The following GPR4 variants were observed in gnomAD, a reference collection of about 807,000 sequenced individuals.
The protein encoded by GPR4 is G protein-coupled receptor 4, also known as G-prodeshotein coupled receptor 4.
GPR4 carries 11 observed loss-of-function variants against 17.8 expected under a neutral mutation model. That is an observed-to-expected ratio of 0.62 (90% CI 0.39 to 1.02). The LOEUF is 1.02. Ranked by LOEUF, GPR4 falls within the 50% of genes least tolerant of loss-of-function variation. The pLI, the probability that GPR4 is intolerant of heterozygous loss-of-function variation, is 0.00. For synonymous variants in GPR4, 219 were observed against 222.8 expected, an observed-to-expected ratio of 0.98 and a Z score of 0.15; for missense variants, 364 against 495.4, an observed-to-expected ratio of 0.73 and a Z score of 2.52.
chr19:45,599,626 C>T (rs1448056858), intron 1 of GPR4: 1 of 152,196 alleles, frequency 6.6e-6, no homozygotes, highest in Admixed American at 6.5e-5. Flanking sequence ...GTCTCTGTGC[C>T]CCCAAAGCCC....
chr19:45,600,228 T>C (rs965469786), intron 1 of GPR4, among the ~76,000 whole-genome samples: 6 of 152,060 alleles, frequency 3.9e-5, no homozygotes, highest in African/African-American at 1.4e-4. Context: ...ACCCTTTCGC[T>C]AGTGGGCCTA....
At chr19:45,597,399 T>C (rs1037967649) in intron 1 of GPR4, among the ~76,000 whole-genome samples, 2 of 152,102 alleles carry the variant, frequency 1.3e-5, no homozygotes, top group Non-Finnish European at 2.9e-5. Context: ...GTTCCCTCCT[T>C]CACTTCCTCG....
rs1969981939 is a variant in GPR4 at position 45,590,814 on chromosome 19, G to T, written c.1053C>A (p.Asp351Glu). The stretch of plus-strand genomic sequence containing the variant: ...GCGGCAGCATCTTCAGCTGCACCTG[G>T]TCCCCCTGGGAGGGCGGAGTGGCCG... ...SWAATPPSQG[D>E]QVQLKMLPPA... Residue 351 changes from aspartate to glutamate, a missense_variant, in exon 2 of 2, where the codon GAC becomes GAA. Around this residue, in one of 3 missense-constraint regions of GPR4, gnomAD observed 92 missense variants for 106.0 expected, o/e 0.87. Coordinates refer to ENST00000323040, the MANE Select transcript of GPR4 (RefSeq NM_005282.3). 4 of 1,592,196 alleles carry T rather than the reference G, an allele frequency of 2.5e-6. No individual in the cohort carries two copies. Among genetic ancestry groups the T allele is most frequent in the Non-Finnish European group, 3.4e-6 (4 of 1,168,192 alleles).
chr19:45,592,051 G>A lies in GPR4; in HGVS notation c.-185C>T. ...GGCTGGGCTGGGAAGGGCAGAGCTT[G>A]AGAGGGAAAAGTTGGAGGAGGGATG... On this transcript the variant is annotated 5_prime_UTR_variant, in exon 2 of 2. Transcript: ENST00000323040. 1.8e-6 allele frequency: 1 copy of A among 548,166 alleles called. No individual in the cohort carries two copies. The highest frequency in any genetic ancestry group is 3.8e-5 in the Admixed American group (1 of 26,472). 34.0% of individuals were successfully genotyped at this position (548,166 alleles called of 1,614,324 possible).
chr19:45,592,048 C>A lies in GPR4; in HGVS notation c.-182G>T. Reference sequence around the variant, plus strand: ...CTGGGCTGGGCTGGGAAGGGCAGAGCTTGAGAGGGAAAAGTTGGAGGAGGG... The same window carrying A: ...CTGGGCTGGGCTGGGAAGGGCAGAGATTGAGAGGGAAAAGTTGGAGGAGGG... On this transcript the variant is annotated 5_prime_UTR_variant, in exon 2 of 2. Coordinates refer to ENST00000323040, the MANE Select transcript of GPR4 (RefSeq NM_005282.3). The A allele has an allele frequency of 7.3e-6, 4 of 546,362 alleles. No homozygotes were observed. The highest frequency in any genetic ancestry group is 3.2e-6 in the Non-Finnish European group (1 of 312,090). The allele number at this position is 546,362 out of a possible 1,614,324, so 33.8% of individuals were successfully genotyped here. A position where few individuals can be genotyped will look rare whatever the true frequency, so the allele number is the denominator to read the frequency against.
At chr19:45,595,135 G>A (rs10425941) in intron 1 of GPR4, among the ~76,000 whole-genome samples, 8,724 of 151,918 alleles carry the variant, frequency 0.057, 584 homozygotes, top group African/African-American at 0.16. Flanking sequence ...AATAAGCTAG[G>A]TGTGGCGGCA....
chr19:45,600,016 C>T (rs1035452056), intron 1 of GPR4, among the ~76,000 whole-genome samples: 1 of 152,132 alleles, frequency 6.6e-6, no homozygotes, highest in Non-Finnish European at 1.5e-5. Context: ...ACACTAAATA[C>T]GGTGAGCCCC....
At position 45,591,415 on chromosome 19, in the gene GPR4, G is replaced by A. The variant is rs1386058464; in HGVS notation, c.452C>T (p.Ala151Val). ...GAAGAGCTCGTCATGGAACAGGGGC[G>A]CCGAGTTGGCGCCCAGCTCCGTGGC... ...VWATELGANS[A>V]PLFHDELFRD... Residue 151 changes from alanine to valine, a missense_variant, in exon 2 of 2, where the codon GCG (alanine) becomes GTG (valine). Coordinates refer to ENST00000323040, the MANE Select transcript of GPR4 (RefSeq NM_005282.3). The surrounding 1 kb of genome is among the most constrained non-coding windows in gnomAD (Gnocchi z 7.6). The A allele has an allele frequency of 6.2e-7, 1 of 1,607,484 alleles. No homozygotes were observed. The highest frequency in any genetic ancestry group is 8.5e-7 in the Non-Finnish European group (1 of 1,178,404).
chr19:45,595,275 C>CCAAA (rs141465685), intron 1 of GPR4, among the ~76,000 whole-genome samples: 1 of 138,268 alleles, frequency 7.2e-6, no homozygotes, highest in African/African-American at 2.7e-5. Flanking sequence ...AACTCCATCT[C>CCAAA]TAAATAAATA....
At chr19:45,594,080 A>ATATATATATATATTT (rs1555738354) in intron 1 of GPR4, among the ~76,000 whole-genome samples, 6 of 126,364 alleles carry the variant, frequency 4.7e-5, no homozygotes, top group African/African-American at 1.9e-4. Context: ...ATATATATAT[A>ATATATATATATATTT]TATATATATA....
Position 45,591,811 on chromosome 19 carries a change from A to G in GPR4, c.56T>C (p.Phe19Ser). 6.2e-7 allele frequency: 1 copy of G among 1,605,890 alleles called. No homozygotes were observed. Among genetic ancestry groups the G allele is most frequent in the Non-Finnish European group, 8.5e-7 (1 of 1,174,578 alleles). ...CHVDSRVDHL[F>S]PPSLYIFVIG... The stretch of plus-strand genomic sequence containing the variant: ...GACAAAGATGTAGAGGGATGGCGGA[A>G]AGAGGTGGTCCACGCGCGAGTCCAC... The change falls in exon 2 of 2, where the codon TTT (phenylalanine) becomes TCT (serine). Residue 19 changes from phenylalanine to serine, a missense_variant. Transcript: ENST00000323040. The surrounding 1 kb of genome is among the most constrained non-coding windows in gnomAD (Gnocchi z 7.6).
intron 1 of GPR4, among the ~76,000 whole-genome samples, chr19:45,596,323 T>C (rs1970058417): frequency 1.3e-5 from 2 of 151,800 alleles, no homozygotes; most frequent in Admixed American, 1.3e-4. Context: ...CTCCTGCCTC[T>C]TCCTCTGGAG....
Position 45,590,923 on chromosome 19 carries a change from T to A in GPR4, c.944A>T (p.Glu315Val). 6.2e-7 allele frequency: 1 copy of A among 1,614,132 alleles called. No homozygotes were observed. The highest frequency in any genetic ancestry group is 8.5e-7 in the Non-Finnish European group (1 of 1,180,032). ...CAGGGTGAGCGAGGCATTGGCCATC[T>A]CCTGGGGCTTGTCGCTGGCCAGAAA... The part of the protein sequence containing the change: ...LRFLASDKPQ[E>V]MANASLTLET... Residue 315 changes from glutamate to valine, a missense_variant, in exon 2 of 2, where the codon GAG becomes GTG. By Grantham distance (121) the Glu-to-Val change is moderately radical. Transcript: ENST00000323040.
At chr19:45,593,838 T>C (rs1236400688) in intron 1 of GPR4, among the ~76,000 whole-genome samples, 2 of 151,854 alleles carry the variant, frequency 1.3e-5, no homozygotes, top group African/African-American at 4.8e-5. Flanking sequence ...CCCTACTACA[T>C]AGCAGATCCC....
intron 1 of GPR4, among the ~76,000 whole-genome samples, chr19:45,597,461 C>T (rs939876753): frequency 1.3e-5 from 2 of 152,194 alleles, no homozygotes; most frequent in Admixed American, 6.6e-5. Context: ...GGACCCTCTC[C>T]TCACATCACC....
Position 45,591,489 on chromosome 19 carries a change from G to A in GPR4, c.378C>T (p.Ala126=), listed in dbSNP as rs1037705110. 3 of 1,610,868 alleles carry A rather than the reference G, an allele frequency of 1.9e-6. No homozygotes were observed. In the African/African-American group the frequency reaches 4.0e-5, roughly 22 times the overall value. The change falls in exon 2 of 2, where the codon GCC becomes GCT. Residue 126 remains alanine, a synonymous_variant. Coordinates refer to ENST00000323040, the MANE Select transcript of GPR4 (RefSeq NM_005282.3). This position sits in a 1 kb window ranked among gnomAD's most constrained non-coding sequence, Gnocchi z 7.6. ...CGGCGGTCTTGACGCGGCGCAGGCG[G>A]GCGAAGCGGAGTGGGTGGGCCACAG... ...YLAVAHPLRF[A]RLRRVKTAVA...
At position 45,591,881 on chromosome 19, in the gene GPR4, C is replaced by T. The variant is rs531554849; in HGVS notation, c.-15G>A. On this transcript the variant is annotated 5_prime_UTR_variant, in exon 2 of 2. Transcript: ENST00000323040. This position sits in a 1 kb window ranked among gnomAD's most constrained non-coding sequence, Gnocchi z 7.6. ...TGGTTGCCCATGGTGGGCACTTCGG[C>T]TTCTGGGGCGCTTCCCCTGGCCCAC... 1.6e-5 allele frequency: 25 copies of T among 1,538,254 alleles called. No homozygotes were observed. Among genetic ancestry groups the T allele is most frequent in the Non-Finnish European group, 2.1e-5 (24 of 1,140,102 alleles).
chr19:45,601,815 C>T (rs570734532), intron 1 of GPR4, among the ~76,000 whole-genome samples: 4 of 151,798 alleles, frequency 2.6e-5, no homozygotes, highest in Admixed American at 1.3e-4. Context: ...GACAGACAGA[C>T]GGAGACAGAG....
Position 45,596,699 on chromosome 19 carries a change from C to G in GPR4, c.-831-4002G>C, listed in dbSNP as rs535865215. Among the ~76,000 whole-genome samples, 110 of 152,214 alleles carry G rather than the reference C, an allele frequency of 7.2e-4. 2 individuals are homozygous for G. The South Asian group carries it at 0.018, about 24-fold the overall frequency. On this transcript the variant is annotated intron_variant, in intron 1 of 1. Transcript: ENST00000323040. ...GGCTGGGACTACAGGTGTGTGCCAC[C>G]ACACCTGGCTAATCGTTCTATTTTT... is the stretch of plus-strand genomic sequence containing the variant.
Sources: allele counts gnomAD v4.1 joint callset (sites outside exome capture counted in the v4.1 genomes callset), GRCh38; gene constraint gnomAD v4.1.1; regional missense constraint gnomAD v4.1.1; non-coding constraint Gnocchi (gnomAD v3.1); transcripts MANE v1.5; gene names NCBI Gene and HGNC (gene_info 2026-07-23, HGNC 2026-07-21).